Variants in NSG2 observed in about 807,000 individuals in gnomAD.
NSG2 encodes the protein neuronal vesicle trafficking associated 2.
Under a neutral mutation model 16.9 loss-of-function variants are expected in NSG2, and 4 were observed. The observed-to-expected ratio is 0.24, with a 90% CI of 0.12 to 0.54. NSG2 has a LOEUF of 0.54. Among genes scored for constraint, NSG2 ranks in the 20% least tolerant of loss-of-function variants. The probability of loss-of-function intolerance (pLI) is 0.95; values close to 1 mark genes in which losing one functional copy is unlikely to be tolerated. For synonymous variants in NSG2, 98 were observed against 88.7 expected, an observed-to-expected ratio of 1.11 and a Z score of -0.59; for missense variants, 179 against 221.1, an observed-to-expected ratio of 0.81 and a Z score of 1.21.
Position 174,083,832 on chromosome 5 carries a change from G to C in NSG2, c.213+19517G>C, listed in dbSNP as rs368008304. On this transcript the variant is annotated intron_variant, in intron 3 of 4. Coordinates refer to ENST00000303177, the MANE Select transcript of NSG2 (RefSeq NM_015980.5). ...GACTGCTGCATTTGTCTACTTCCTT[G>C]ACCTGCATAAGTGCCCTGTGATGGG... Among the ~76,000 whole-genome samples the C allele has an allele frequency of 1.1e-3, 160 of 152,270 alleles. No homozygotes were observed. The South Asian group carries it at 0.015, about 15-fold the overall frequency.
intron 3 of NSG2, among the ~76,000 whole-genome samples, chr5:174,092,146 T>C (rs1173442555): frequency 6.6e-6 from 1 of 152,262 alleles, no homozygotes; most frequent in Non-Finnish European, 1.5e-5. Flanking sequence ...TCAGAATCTA[T>C]GTGTACTCAG....
chr5:174,105,879 G>A (rs1312034483), intron 4 of NSG2, among the ~76,000 whole-genome samples: 1 of 152,058 alleles, frequency 6.6e-6, no homozygotes, highest in Non-Finnish European at 1.5e-5. Flanking sequence ...CAGCCTGGGG[G>A]GACAGAGCGA....
intron 2 of NSG2, among the ~76,000 whole-genome samples, chr5:174,048,095 A>G (rs1759830110): frequency 6.6e-6 from 1 of 152,266 alleles, no homozygotes; most frequent in Non-Finnish European, 1.5e-5. Flanking sequence ...GGTGGCAGAC[A>G]GAGAGAATTC....
At chr5:174,056,525 T>C (rs1410421118) in intron 2 of NSG2, 1 of 152,214 alleles carries the variant, frequency 6.6e-6, no homozygotes, top group Non-Finnish European at 1.5e-5. Context: ...ATCATAATGA[T>C]TTTGAAGGAG....
chr5:174,049,155 C>CG (rs1344059065), intron 2 of NSG2, among the ~76,000 whole-genome samples: 7 of 151,932 alleles, frequency 4.6e-5, no homozygotes, highest in African/African-American at 1.7e-4. Context: ...CTGGCGAACA[C>CG]GGTGAAACCG....
intron 3 of NSG2, among the ~76,000 whole-genome samples, chr5:174,099,616 C>T (rs892712526): frequency 1.3e-5 from 2 of 152,160 alleles, no homozygotes; most frequent in African/African-American, 2.4e-5. Context: ...GCCCCCTGCC[C>T]AGGCCCCCAG....
intron 2 of NSG2, among the ~76,000 whole-genome samples, chr5:174,053,016 AACTAATG>A (rs1759916866): frequency 6.6e-6 from 1 of 152,192 alleles, no homozygotes; most frequent in Non-Finnish European, 1.5e-5. Flanking sequence ...GATATTTAGA[AACTAATG>A]ACTAATGTAT....
At chr5:174,104,601 C>CAGCTCACTACCCTTGTCTGTCAAG (rs1402937668) in intron 4 of NSG2, among the ~76,000 whole-genome samples, 5 of 152,296 alleles carry the variant, frequency 3.3e-5, no homozygotes, top group Admixed American at 6.5e-5. Flanking sequence ...ATGAGGGAAG[C>CAGCTCACTACCCTTGTCTGTCAAG]AGCTCACTAC....
intron 2 of NSG2, among the ~76,000 whole-genome samples, chr5:174,052,577 C>T (rs1458738036): frequency 1.3e-5 from 2 of 152,168 alleles, no homozygotes; most frequent in Non-Finnish European, 2.9e-5. Context: ...GGAGCAAGCT[C>T]CTGAAAAGCT....
intron 3 of NSG2, chr5:174,066,127 T>C: frequency 2.2e-6 from 1 of 453,400 alleles, no homozygotes; most frequent in South Asian, 1.6e-5. Flanking sequence ...GTGCATTCCC[T>C]GGAATGTGGA....
chr5:174,104,500 G>A (rs1760946860), intron 4 of NSG2, among the ~76,000 whole-genome samples, 162 bp downstream of exon 4: 2 of 152,144 alleles, frequency 1.3e-5, no homozygotes, highest in Non-Finnish European at 2.9e-5. Flanking sequence ...TTTTCTTGAG[G>A]GACTCAGTCT....
intron 3 of NSG2, among the ~76,000 whole-genome samples, chr5:174,080,533 C>T (rs924057261): frequency 4.0e-4 from 52 of 130,178 alleles, no homozygotes; most frequent in Middle Eastern, 3.7e-3. Context: ...CTTTCTCTCT[C>T]TCTCTCTCTC....
intron 3 of NSG2, among the ~76,000 whole-genome samples, chr5:174,069,339 C>T (rs942442265): frequency 3.3e-5 from 5 of 152,154 alleles, no homozygotes; most frequent in African/African-American, 9.7e-5. Context: ...GCTATGCTGC[C>T]AGGCCTGGTT....
intron 3 of NSG2, among the ~76,000 whole-genome samples, chr5:174,097,457 G>A (rs539400701): frequency 2.0e-5 from 3 of 151,176 alleles, no homozygotes; most frequent in Non-Finnish European, 3.0e-5. Flanking sequence ...TGTCTGGGGG[G>A]AGGCTGTGTG....
At chr5:174,055,733 A>G (rs1239553946) in intron 2 of NSG2, among the ~76,000 whole-genome samples, 1 of 152,352 alleles carries the variant, frequency 6.6e-6, no homozygotes, top group Non-Finnish European at 1.5e-5. Context: ...GACAAAGTTT[A>G]TTCCATGGAA....
Position 174,107,657 on chromosome 5 carries a change from G to T in NSG2, c.*152G>T. 3 of 781,206 alleles carry T rather than the reference G, an allele frequency of 3.8e-6. No homozygotes were observed. Among genetic ancestry groups the T allele is most frequent in the Non-Finnish European group, 6.6e-6 (3 of 457,280 alleles). The allele number at this position is 781,206 out of a possible 1,614,324, so 48.4% of individuals were successfully genotyped here. On this transcript the variant is annotated 3_prime_UTR_variant, in exon 5 of 5. Transcript: ENST00000303177. This position sits in a 1 kb window ranked among gnomAD's most constrained non-coding sequence, Gnocchi z 4.5. ...GGGGGGAAGAACGCACCAAAAACGT[G>T]GTGTGTGCTGGAGTTGTCTGAACCG...
chr5:174,064,457 A>G, intron 3 of NSG2, 142 bp downstream of exon 3: 2 of 519,276 alleles, frequency 3.9e-6, no homozygotes, highest in Non-Finnish European at 7.0e-6. Context: ...GAAGCCATAC[A>G]GTCTGGCCAC....
chr5:174,096,839 A>G (rs970890365), intron 3 of NSG2, among the ~76,000 whole-genome samples: 1 of 152,146 alleles, frequency 6.6e-6, no homozygotes, highest in Non-Finnish European at 1.5e-5. Context: ...CAGGCCCCAG[A>G]TGCGGTGGGC....
Position 174,107,301 on chromosome 5 carries a change from C to T in NSG2, c.325-13C>T, listed in dbSNP as rs1460959076. ...TGCTGAATGACCCCTGACTCTGTCTCTTTCTTCCCCAGCACAAACGCTGTA... is the reference window on the plus strand; with the variant it reads ...TGCTGAATGACCCCTGACTCTGTCTTTTTCTTCCCCAGCACAAACGCTGTA... On this transcript the variant is annotated splice_polypyrimidine_tract_variant and intron_variant, in intron 4 of 4. Coordinates refer to ENST00000303177, the MANE Select transcript of NSG2 (RefSeq NM_015980.5). The surrounding 1 kb of genome is among the most constrained non-coding windows in gnomAD (Gnocchi z 4.5). The T allele has an allele frequency of 3.6e-5, 55 of 1,537,264 alleles. No homozygotes were observed. The highest frequency in any genetic ancestry group is 4.1e-5 in the Non-Finnish European group (47 of 1,137,162).
Sources: gnomAD v4.1 joint callset for allele counts (sites outside exome capture counted in the v4.1 genomes callset) on GRCh38, gnomAD v4.1.1 for gene constraint, Gnocchi (gnomAD v3.1) non-coding constraint, MANE v1.5 for transcripts, NCBI Gene and HGNC (gene_info 2026-07-23, HGNC 2026-07-21) for gene names.